The following BCAS3 variants were observed in gnomAD, a reference collection of about 807,000 sequenced individuals.
The protein encoded by BCAS3 is BCAS3 microtubule associated cell migration factor, also known as BCAS4/BCAS3 fusion.
BCAS3 carries 53 observed loss-of-function variants against 116.1 expected under a neutral mutation model. The ratio of observed to expected loss-of-function variants is 0.46; its 90% CI spans 0.37 to 0.57. The LOEUF (loss-of-function observed/expected upper bound fraction) is 0.57. Ranked by LOEUF, BCAS3 falls within the 20% of genes least tolerant of loss-of-function variation. BCAS3 has a pLI of 0.00. For missense variants in BCAS3, 917 were observed against 1,165.4 expected, an observed-to-expected ratio of 0.79 and a Z score of 3.10; for synonymous variants, 391 against 408.2, an observed-to-expected ratio of 0.96 and a Z score of 0.51.
rs75229063 is a variant in BCAS3, at chr17:60,924,518, CT to C, written c.1087+36del. On this transcript the variant is annotated intron_variant, in intron 13 of 23. Transcript: ENST00000407086. ...TACAAGTGGTAAGTTCGCTCTCTGT[CT>C]TTTTTTTTTTTTTTTTTGTAGACCA... 0.21 allele frequency: 222,528 copies of C among 1,058,520 alleles called. 3 individuals are homozygous for C. Among genetic ancestry groups the C allele is most frequent in the Middle Eastern group, 0.27 (1,024 of 3,834 alleles). 65.6% of individuals were successfully genotyped at this position (1,058,520 alleles called of 1,614,324 possible).
rs546803516 is a variant in BCAS3 at position 61,115,231 on chromosome 17, T to C, written c.2425+30667T>C. On this transcript the variant is annotated intron_variant, in intron 22 of 23. Transcript: ENST00000407086. ...AAAGCAATGGCAACAAAAGACAAAA[T>C]TGACAAATGGAATCTAATTAAACTA... Among the ~76,000 whole-genome samples the C allele has an allele frequency of 9.4e-3, 1,431 of 152,182 alleles. 11 individuals carry two copies. Among genetic ancestry groups the C allele is most frequent in the Non-Finnish European group, 0.014 (921 of 68,004 alleles).
chr17:61,147,043 T>G, intron 22 of BCAS3, among the ~76,000 whole-genome samples: 1 of 150,234 alleles, frequency 6.7e-6, no homozygotes, highest in African/African-American at 2.5e-5. Context: ...TCCTCCCGAG[T>G]AGTTGGGACT....
intron 22 of BCAS3, among the ~76,000 whole-genome samples, chr17:61,086,473 G>A (rs1472911303): frequency 6.6e-6 from 1 of 152,180 alleles, no homozygotes; most frequent in Non-Finnish European, 1.5e-5. Context: ...TCAGTGAACT[G>A]TTATTTAAAT....
intron 7 of BCAS3, among the ~76,000 whole-genome samples, chr17:60,855,972 C>T (rs747894487): frequency 2.6e-5 from 4 of 152,136 alleles, no homozygotes; most frequent in African/African-American, 4.8e-5. Context: ...TGTGAGCCGC[C>T]GCGCCTGGGC....
intron 7 of BCAS3, among the ~76,000 whole-genome samples, chr17:60,846,865 A>G (rs1274120542): frequency 6.6e-6 from 1 of 152,122 alleles, no homozygotes; most frequent in Admixed American, 6.6e-5. Context: ...AAAGTATACA[A>G]TTCAGCAGCA....
chr17:60,809,444 C>T (rs145108529), intron 7 of BCAS3, among the ~76,000 whole-genome samples: 4 of 152,322 alleles, frequency 2.6e-5, no homozygotes, highest in Non-Finnish European at 5.9e-5. Flanking sequence ...GAATCTGTGG[C>T]ATTCATGCCT....
intron 21 of BCAS3, among the ~76,000 whole-genome samples, chr17:61,079,686 C>T (rs1324902083): frequency 6.6e-6 from 1 of 151,738 alleles, no homozygotes; most frequent in Non-Finnish European, 1.5e-5. Flanking sequence ...ACCTCTGTCT[C>T]CTGGGTTCAA....
In BCAS3 at chr17:61,078,442, C is replaced by T. The variant is rs2072232356; in HGVS notation, c.2240C>T (p.Ser747Leu). 6.2e-7 allele frequency: 1 copy of T among 1,614,170 alleles called. No homozygotes were observed. Among genetic ancestry groups the T allele is most frequent in the South Asian group, 1.1e-5 (1 of 91,084 alleles). ...SGQTTVISSS[S>L]SVLQSHGPSD... is the part of the protein sequence containing the mutation. ...CAAACCACAGTTATCTCATCCAGTT[C>T]ATCTGTGTTGCAGTCTCATGGTCCG... The change falls in exon 21 of 24, where the codon TCA (serine) becomes TTA (leucine). Residue 747 changes from serine to leucine, a missense_variant. Transcript: ENST00000407086.
intron 5 of BCAS3, 190 bp downstream of exon 5, chr17:60,709,515 G>A (rs1268332878): frequency 4.8e-6 from 2 of 417,246 alleles, no homozygotes; most frequent in South Asian, 4.7e-5. Context: ...TCAACCTCCC[G>A]AGTAGCTGAG....
intron 7 of BCAS3, chr17:60,811,347 G>C: frequency 1.5e-6 from 1 of 660,070 alleles, no homozygotes; most frequent in Non-Finnish European, 2.7e-6. Context: ...TTCAGTCTTG[G>C]TGATACCCCA....
Position 61,008,712 on chromosome 17 carries a change from A to T in BCAS3, c.1487-7039A>T, listed in dbSNP as rs189824518. Among the ~76,000 whole-genome samples, 506 of 151,754 alleles carry T rather than the reference A, an allele frequency of 3.3e-3. 4 individuals carry two copies. The highest frequency in any genetic ancestry group is 0.011 in the African/African-American group (463 of 41,450). ...CCAAAAAATAAAAAATAAAAAAATA[A>T]AAAAAAAGGCCCCGTAGAACTCATC... On this transcript the variant is annotated intron_variant, in intron 15 of 23. Transcript: ENST00000407086. This position sits in a 1 kb window ranked among gnomAD's most constrained non-coding sequence, Gnocchi z 4.6.
intron 12 of BCAS3, among the ~76,000 whole-genome samples, chr17:60,915,670 C>T (rs945993261): frequency 7.2e-6 from 1 of 138,258 alleles, no homozygotes; most frequent in Non-Finnish European, 1.5e-5. Context: ...GCATGTAGTT[C>T]GTACTTTTTT....
Position 61,124,129 on chromosome 17 carries a change from A to C in BCAS3, c.2425+39565A>C, listed in dbSNP as rs1040942354. 1.3e-5 allele frequency among the ~76,000 whole-genome samples: 2 copies of C among 152,080 alleles called. No homozygotes were observed. Among genetic ancestry groups the C allele is most frequent in the African/African-American group, 2.4e-5 (1 of 41,424 alleles). The stretch of plus-strand genomic sequence containing the variant: ...TATTTAACATTTGGAGGGAAGTCAG[A>C]TATCTTTGATCTCATTTCTTTTACT... On this transcript the variant is annotated intron_variant, in intron 22 of 23. Transcript: ENST00000407086. The surrounding 1 kb of genome is among the most constrained non-coding windows in gnomAD (Gnocchi z 4.6).
intron 6 of BCAS3, among the ~76,000 whole-genome samples, chr17:60,752,203 C>A (rs889765613): frequency 6.7e-6 from 1 of 148,544 alleles, no homozygotes; most frequent in African/African-American, 2.5e-5. Flanking sequence ...TAATATTTTT[C>A]ATAACGATTT....
At chr17:61,280,095 A>G (rs905801851) in intron 22 of BCAS3, among the ~76,000 whole-genome samples, 4 of 152,192 alleles carry the variant, frequency 2.6e-5, no homozygotes, top group Non-Finnish European at 4.4e-5. Flanking sequence ...AAGGGACCTC[A>G]GAACTCTTCT....
Position 61,376,084 on chromosome 17 carries a change from T to C in BCAS3, c.2593+7590T>C, listed in dbSNP as rs1463376130. On this transcript the variant is annotated intron_variant, in intron 23 of 23. Transcript: ENST00000407086. This position sits in a 1 kb window ranked among gnomAD's most constrained non-coding sequence, Gnocchi z 4.5. ...TATCCAGTCCAGCCCTAGGGGTAGA[T>C]AGATGCATCCTACTGGCCCAACTCA... Among the ~76,000 whole-genome samples, 1 of 152,194 alleles carries C rather than the reference T, an allele frequency of 6.6e-6. No individual in the cohort carries two copies. Among genetic ancestry groups the C allele is most frequent in the African/African-American group, 2.4e-5 (1 of 41,444 alleles).
At chr17:60,680,153 A>G (rs1001636652) in intron 2 of BCAS3, among the ~76,000 whole-genome samples, 1 of 142,040 alleles carries the variant, frequency 7.0e-6, no homozygotes, top group Non-Finnish European at 1.5e-5. Context: ...AAAAAAAAAG[A>G]AAGAAAATGA....
chr17:60,850,383 G>A (rs2053010052), intron 7 of BCAS3, among the ~76,000 whole-genome samples: 1 of 81,406 alleles, frequency 1.2e-5, no homozygotes, highest in African/African-American at 6.8e-5. Context: ...TTGAGATGGA[G>A]TTTTTGCTCT....
At position 61,154,916 on chromosome 17, in the gene BCAS3, GT is replaced by G. The variant is rs61237614; in HGVS notation, c.2425+70364del. Among the ~76,000 whole-genome samples the G allele has an allele frequency of 4.9e-3, 702 of 143,602 alleles. 3 individuals carry two copies. Among genetic ancestry groups the G allele is most frequent in the East Asian group, 0.012 (59 of 4,958 alleles). The allele number at this position is 143,602 out of a possible 152,430, so 94.2% of individuals were successfully genotyped here. On this transcript the variant is annotated intron_variant, in intron 22 of 23. Transcript: ENST00000407086. ...GTATCCTTTTGATCAAATGCAACTG[GT>G]TTTTTTTTTTTGGTGGGGGGTGTTT...
Sources: gnomAD v4.1 joint callset for allele counts (sites outside exome capture counted in the v4.1 genomes callset) on GRCh38, gnomAD v4.1.1 for gene constraint, Gnocchi (gnomAD v3.1) non-coding constraint, MANE v1.5 for transcripts, NCBI Gene and HGNC (gene_info 2026-07-23, HGNC 2026-07-21) for gene names.